Variants in SLC13A4 observed in about 807,000 individuals in gnomAD.
The protein encoded by SLC13A4 is Na(+)/sulfate cotransporter SUT-1.
A neutral mutation model predicts 72.7 loss-of-function variants in SLC13A4; 28 were observed. The ratio of observed to expected loss-of-function variants is 0.39; its 90% CI spans 0.29 to 0.53. SLC13A4 has a LOEUF of 0.53. Ranked by LOEUF, SLC13A4 falls within the 20% of genes least tolerant of loss-of-function variation. The pLI is 0.78. For missense variants in SLC13A4, 653 were observed against 788.0 expected (o/e 0.83, Z 2.05); for synonymous variants, 312 against 325.5 (o/e 0.96, Z 0.45).
intron 3 of SLC13A4, chr7:135,707,297 G>C (rs1351454944): frequency 6.6e-6 from 1 of 152,220 alleles, no homozygotes; most frequent in East Asian, 1.9e-4. Flanking sequence ...GAGGTTGAGT[G>C]TAGGGGCAAG....
At chr7:135,694,524 G>A (rs185051405) in intron 9 of SLC13A4, among the ~76,000 whole-genome samples, 82 of 152,136 alleles carry the variant, frequency 5.4e-4, no homozygotes, top group Non-Finnish European at 8.8e-5. Flanking sequence ...ATTCGTGTGG[G>A]GTCATTTCTA....
At chr7:135,723,351 C>A (rs1796586038) in intron 1 of SLC13A4, among the ~76,000 whole-genome samples, 1 of 152,128 alleles carries the variant, frequency 6.6e-6, no homozygotes, top group Non-Finnish European at 1.5e-5. Flanking sequence ...TATCAGAAGC[C>A]AGCCCTCCAT....
intron 14 of SLC13A4, 138 bp from the exon 15 acceptor site, chr7:135,684,399 T>A: frequency 1.0e-6 from 1 of 964,104 alleles, no homozygotes; most frequent in Non-Finnish European, 1.5e-6. Context: ...GTTAGGTCTC[T>A]GCCCTCTGGG....
intron 13 of SLC13A4, 54 bp from the exon 14 acceptor site, chr7:135,685,737 AG>A (rs1440778176): frequency 6.6e-7 from 1 of 1,517,524 alleles, no homozygotes; most frequent in Admixed American, 1.7e-5. Context: ...CATCCCAGCT[AG>A]AGATCTTAGA....
Position 135,727,471 on chromosome 7 carries a change from C to T in SLC13A4, c.26G>A (p.Arg9Gln), listed in dbSNP as rs1247566654. The change falls in exon 1 of 16, where the codon CGA (arginine) becomes CAA (glutamine). Residue 9 changes from arginine to glutamine, a missense_variant. Transcript: ENST00000682651. ...GACGACCAGCAGCAGCTTCCGGACT[C>T]GGAGCAGGCCCTGCAGCAGGCCCAT... MGLLQGLLRVRKLLLVVCV... is the reference protein window; with the variant it reads MGLLQGLLQVRKLLLVVCV... 6.5e-6 allele frequency: 10 copies of T among 1,550,360 alleles called. No individual in the cohort carries two copies. Among genetic ancestry groups the T allele is most frequent in the South Asian group, 3.6e-5 (3 of 84,016 alleles).
chr7:135,716,093 T>C (rs1238520991), intron 2 of SLC13A4, among the ~76,000 whole-genome samples: 1 of 152,174 alleles, frequency 6.6e-6, no homozygotes, highest in Non-Finnish European at 1.5e-5. Flanking sequence ...TTTATGGCAC[T>C]CTGACTCTGG....
intron 15 of SLC13A4, chr7:135,683,801 G>C (rs1339238993): frequency 2.0e-6 from 2 of 984,694 alleles, no homozygotes; most frequent in Admixed American, 6.2e-5. Context: ...GTCTCCACTG[G>C]CCTAATGAAG....
chr7:135,713,739 G>T (rs150228076), intron 2 of SLC13A4, among the ~76,000 whole-genome samples: 3 of 152,072 alleles, frequency 2.0e-5, no homozygotes, highest in Admixed American at 2.0e-4. Flanking sequence ...CATTGTGTCC[G>T]GCTAATTTTG....
chr7:135,726,302 GT>G (rs1796655443), intron 1 of SLC13A4, among the ~76,000 whole-genome samples: 2 of 152,330 alleles, frequency 1.3e-5, no homozygotes, highest in South Asian at 2.1e-4. Flanking sequence ...TCCCAGCCCA[GT>G]TTTAATCAGC....
At chr7:135,687,638 C>A (rs1210355550) in intron 13 of SLC13A4, among the ~76,000 whole-genome samples, 1 of 152,168 alleles carries the variant, frequency 6.6e-6, no homozygotes, top group Admixed American at 6.5e-5. Context: ...TGTTTCAGAG[C>A]CCCAAGGCCT....
At chr7:135,701,557 G>T in intron 7 of SLC13A4, 123 bp downstream of exon 7, 1 of 928,484 alleles carries the variant, frequency 1.1e-6, no homozygotes, top group Non-Finnish European at 1.7e-6. Context: ...ATGTATGAGA[G>T]TAATGAGTGC....
chr7:135,727,904 A>C lies in SLC13A4; in HGVS notation c.-408T>G. ...AGAAATCATTTAAAAGCTTAAAAAC[A>C]TTAAAAACGCTCAGAGCACATTGTG... On this transcript the variant is annotated 5_prime_UTR_variant, in exon 1 of 16. It removes an upstream start codon present in the reference 5' UTR. Coordinates refer to ENST00000682651, the MANE Select transcript of SLC13A4 (RefSeq NM_001318192.2). The C allele has an allele frequency of 6.1e-6, 1 of 163,728 alleles. No individual in the cohort carries two copies. Among genetic ancestry groups the C allele is most frequent in the Non-Finnish European group, 1.3e-5 (1 of 75,860 alleles). 10.1% of individuals were successfully genotyped at this position (163,728 alleles called of 1,614,324 possible).
chr7:135,703,828 G>A (rs992380979), intron 5 of SLC13A4: 1 of 152,290 alleles, frequency 6.6e-6, no homozygotes, highest in African/African-American at 2.4e-5. Flanking sequence ...AGAGGGAAGT[G>A]TTCTTTGGAG....
intron 12 of SLC13A4, 45 bp downstream of exon 12, chr7:135,691,503 G>T (rs748916307): frequency 7.7e-6 from 12 of 1,552,864 alleles, no homozygotes; most frequent in Middle Eastern, 1.7e-4. Flanking sequence ...TCTGATTTGG[G>T]TATTCTTCAA....
chr7:135,691,833 T>TG (rs1795795117), intron 11 of SLC13A4, 188 bp from the exon 12 acceptor site: 1 of 550,792 alleles, frequency 1.8e-6, no homozygotes, highest in African/African-American at 1.9e-5. Flanking sequence ...GGCGAATGTC[T>TG]GGAGGCAGGG....
At chr7:135,694,595 A>G (rs1241799517) in intron 9 of SLC13A4, among the ~76,000 whole-genome samples, 1 of 152,258 alleles carries the variant, frequency 6.6e-6, no homozygotes, top group African/African-American at 2.4e-5. Flanking sequence ...GTCTAGATGT[A>G]TAAACTAAAA....
rs369597908 is a variant in SLC13A4 at position 135,705,580 on chromosome 7, G to A, written c.593+16C>T. 6.2e-7 allele frequency: 1 copy of A among 1,613,246 alleles called. No homozygotes were observed. The highest frequency in any genetic ancestry group is 8.5e-7 in the Non-Finnish European group (1 of 1,179,278). Reference sequence around the variant, plus strand: ...ACTCTGAGAGGCGCTGTCTGGGAGAGGGCAGTCATACTCACTCTTCATTGA... The same window carrying A: ...ACTCTGAGAGGCGCTGTCTGGGAGAAGGCAGTCATACTCACTCTTCATTGA... On this transcript the variant is annotated intron_variant, in intron 5 of 15. Coordinates refer to ENST00000682651, the MANE Select transcript of SLC13A4 (RefSeq NM_001318192.2).
intron 2 of SLC13A4, among the ~76,000 whole-genome samples, chr7:135,720,554 T>TAAAAAAAAAAAAAAAAA (rs33993859): frequency 8.0e-6 from 1 of 124,244 alleles, no homozygotes; most frequent in Non-Finnish European, 1.7e-5. Flanking sequence ...GCTTTTTCAT[T>TAAAAAAAAAAAAAAAAA]AAAAAAAAAA....
At chr7:135,710,931 T>C (rs969082813) in intron 2 of SLC13A4, among the ~76,000 whole-genome samples, 1 of 128,998 alleles carries the variant, frequency 7.8e-6, no homozygotes, top group Non-Finnish European at 1.5e-5. Flanking sequence ...CCCCCTGCTC[T>C]GGACAGCTTG....
Sources: gnomAD v4.1 joint callset for allele counts (sites outside exome capture counted in the v4.1 genomes callset) on GRCh38, gnomAD v4.1.1 for gene constraint, MANE v1.5 for transcripts, NCBI Gene and HGNC (gene_info 2026-07-23, HGNC 2026-07-21) for gene names.